The following MBD2 variants were observed in gnomAD, a reference collection of about 807,000 sequenced individuals.
MBD2 encodes the protein methyl-CpG-binding domain protein 2.
In MBD2, 9 loss-of-function variants were observed where a neutral mutation model predicts 39.3. That is an observed-to-expected ratio of 0.23 (90% CI 0.14 to 0.40). The LOEUF (loss-of-function observed/expected upper bound fraction) is 0.40. Among genes scored for constraint, MBD2 ranks in the 10% least tolerant of loss-of-function variants. The pLI is 1.00. For synonymous variants in MBD2, 233 were observed against 211.1 expected, an observed-to-expected ratio of 1.10 and a Z score of -0.90; for missense variants, 458 against 532.6, an observed-to-expected ratio of 0.86 and a Z score of 1.38.
At chr18:54,187,344 A>G (rs1038429812) in intron 3 of MBD2, among the ~76,000 whole-genome samples, 6 of 152,178 alleles carry the variant, frequency 3.9e-5, no homozygotes, top group African/African-American at 7.2e-5. Flanking sequence ...TTTGAAGCAA[A>G]TCTGTTTTAC....
chr18:54,156,962 A>G (rs1471833426), intron 6 of MBD2, among the ~76,000 whole-genome samples: 1 of 152,184 alleles, frequency 6.6e-6, no homozygotes, highest in Non-Finnish European at 1.5e-5. Context: ...AAAACCAAAA[A>G]GCCCTGACAG....
At chr18:54,179,831 T>C (rs1157013141) in intron 3 of MBD2, among the ~76,000 whole-genome samples, 1 of 152,130 alleles carries the variant, frequency 6.6e-6, no homozygotes, top group Non-Finnish European at 1.5e-5. Flanking sequence ...GAGACTAGAA[T>C]ATCTGTTACC....
chr18:54,192,137 A>G (rs972682486), intron 2 of MBD2, among the ~76,000 whole-genome samples: 2 of 152,194 alleles, frequency 1.3e-5, no homozygotes, highest in African/African-American at 4.8e-5. Context: ...ACAATATTCA[A>G]TCCTTAAGCA....
rs748976271 is a variant in MBD2 at position 54,224,115 on chromosome 18, TCTTCCCGCTCTCCGTGGCCCGGGGTCC to T, written c.418_444del (p.Gly140_Lys148del). ...GGGGGGAGGGCCGGGCAATCCATCC[TCTTCCCGCTCTCCGTGGCCCGGGGTCC>T]CCTGGGCCCCGGCCCCGCGCTCCCC... On this transcript the variant is annotated inframe_deletion, in exon 1 of 7. Transcript: ENST00000256429. The T allele has an allele frequency of 6.4e-7, 1 of 1,568,156 alleles. No individual in the cohort carries two copies. The highest frequency in any genetic ancestry group is 8.6e-7 in the Non-Finnish European group (1 of 1,162,404).
chr18:54,168,093 A>G (rs2086148866), intron 3 of MBD2, among the ~76,000 whole-genome samples: 1 of 151,150 alleles, frequency 6.6e-6, no homozygotes, highest in Non-Finnish European at 1.5e-5. Flanking sequence ...ATATACAATT[A>G]TAAAAGCACT....
chr18:54,193,709 A>G (rs986642521), intron 2 of MBD2, among the ~76,000 whole-genome samples: 4 of 152,188 alleles, frequency 2.6e-5, no homozygotes. Flanking sequence ...TACTAGAGCT[A>G]AGCATCAAAT....
At position 54,189,012 on chromosome 18, in the gene MBD2, C is replaced by A; in HGVS notation, c.703-1G>T. On this transcript the variant is annotated splice_acceptor_variant, in intron 2 of 6. Coordinates refer to ENST00000256429, the MANE Select transcript of MBD2 (RefSeq NM_003927.5). LOFTEE classifies it high-confidence loss of function. ...ATGTTGTATTCAAGTCTGGTTTACC[C>A]TGTGAATATAAATGTATTTTTATTT... 6.3e-7 allele frequency: 1 copy of A among 1,580,256 alleles called. No homozygotes were observed. Among genetic ancestry groups the A allele is most frequent in the Non-Finnish European group, 8.6e-7 (1 of 1,160,138 alleles).
intron 2 of MBD2, among the ~76,000 whole-genome samples, chr18:54,198,900 CTCT>C (rs1045536390): frequency 3.3e-5 from 5 of 152,128 alleles, no homozygotes; most frequent in Middle Eastern, 3.2e-3. Context: ...ATTGTCTTCT[CTCT>C]TCTTCTCATT....
At position 54,164,284 on chromosome 18, in the gene MBD2, T is replaced by C. The variant is rs111611736; in HGVS notation, c.1109+239A>G. On this transcript the variant is annotated intron_variant, in intron 5 of 6. Coordinates refer to ENST00000256429, the MANE Select transcript of MBD2 (RefSeq NM_003927.5). ...TATAACTGATCTGGTGTCTGTCCTTTGGACAGGACCATGACGATACCCCTG... is the reference window on the plus strand; with the variant it reads ...TATAACTGATCTGGTGTCTGTCCTTCGGACAGGACCATGACGATACCCCTG... 5.6e-3 allele frequency among the ~76,000 whole-genome samples: 855 copies of C among 152,330 alleles called. 9 individuals are homozygous for C. Among genetic ancestry groups the C allele is most frequent in the African/African-American group, 0.019 (785 of 41,582 alleles).
intron 1 of MBD2, among the ~76,000 whole-genome samples, chr18:54,214,192 CTTTGT>C (rs1406713371): frequency 1.3e-5 from 2 of 150,018 alleles, no homozygotes; most frequent in South Asian, 4.2e-4. Flanking sequence ...TTCTTTCTTT[CTTTGT>C]TTTGTTTTTT....
At chr18:54,203,039 G>A (rs776235444) in intron 2 of MBD2, 34 of 1,307,132 alleles carry the variant, frequency 2.6e-5, no homozygotes, top group East Asian at 6.9e-5. Flanking sequence ...AGCAAACAGC[G>A]TATGAGCAAG....
chr18:54,162,937 A>C (rs987098649), intron 5 of MBD2, among the ~76,000 whole-genome samples: 7 of 152,174 alleles, frequency 4.6e-5, no homozygotes, highest in African/African-American at 1.7e-4. Flanking sequence ...ATTTAAAAAA[A>C]CTTTCATGTC....
intron 1 of MBD2, among the ~76,000 whole-genome samples, chr18:54,214,010 T>C (rs537953559): frequency 6.6e-6 from 1 of 150,978 alleles, no homozygotes; most frequent in Non-Finnish European, 1.5e-5. Flanking sequence ...TTTCTTTTTT[T>C]TTTTTTTTTT....
chr18:54,197,656 G>C (rs190633442), intron 2 of MBD2, among the ~76,000 whole-genome samples: 14 of 152,098 alleles, frequency 9.2e-5, no homozygotes, highest in African/African-American at 3.4e-4. Context: ...CTCTACACAC[G>C]ACTCATCAGC....
intron 1 of MBD2, among the ~76,000 whole-genome samples, chr18:54,208,932 A>C (rs536600036): frequency 6.6e-6 from 1 of 152,352 alleles, no homozygotes; most frequent in Non-Finnish European, 1.5e-5. Flanking sequence ...TATGTTTATC[A>C]TCTAGATTAG....
chr18:54,179,258 TC>T (rs2086232759), intron 3 of MBD2, among the ~76,000 whole-genome samples: 1 of 152,186 alleles, frequency 6.6e-6, no homozygotes, highest in Admixed American at 6.5e-5. Context: ...TGAGATGACC[TC>T]CCAATTAATT....
At chr18:54,218,436 T>C (rs2086580458) in intron 1 of MBD2, among the ~76,000 whole-genome samples, 1 of 152,202 alleles carries the variant, frequency 6.6e-6, no homozygotes, top group Admixed American at 6.5e-5. Flanking sequence ...AATGGCACAC[T>C]AAGCCCAATA....
At chr18:54,168,071 AT>A (rs986659197) in intron 3 of MBD2, among the ~76,000 whole-genome samples, 1 of 150,518 alleles carries the variant, frequency 6.6e-6, no homozygotes, top group African/African-American at 2.4e-5. Context: ...CTTTATATAT[AT>A]GTGTATATAT....
chr18:54,182,452 G>T (rs2086257745), intron 3 of MBD2, among the ~76,000 whole-genome samples: 1 of 152,166 alleles, frequency 6.6e-6, no homozygotes, highest in Non-Finnish European at 1.5e-5. Context: ...AGGGTCAGGG[G>T]TAGGGGATGA....
Sources: gnomAD v4.1 joint callset for allele counts (sites outside exome capture counted in the v4.1 genomes callset) on GRCh38, gnomAD v4.1.1 for gene constraint, MANE v1.5 for transcripts, NCBI Gene and HGNC (gene_info 2026-07-23, HGNC 2026-07-21) for gene names.